The following DLC1 variants were observed in gnomAD, a reference collection of about 807,000 sequenced individuals.
DLC1 encodes the protein DLC1 Rho GTPase activating protein, also known as rho GTPase-activating protein 7.
DLC1 carries 54 observed loss-of-function variants against 140.3 expected under a neutral mutation model. The observed-to-expected ratio is 0.38, with a 90% confidence interval of 0.31 to 0.48. DLC1 has a LOEUF of 0.48. DLC1 is among the 20% of genes least tolerant of loss of function. DLC1 has a pLI of 0.96. For missense variants in DLC1, 2,536 were observed against 1,907.0 expected (o/e 1.33, Z -6.14); for synonymous variants, 986 against 728.1 (o/e 1.35, Z -5.70).
At chr8:13,161,254 G>C (rs545634644) in intron 5 of DLC1, among the ~76,000 whole-genome samples, 2 of 152,288 alleles carry the variant, frequency 1.3e-5, no homozygotes, top group Non-Finnish European at 2.9e-5. Flanking sequence ...TAGTAAGTGC[G>C]ACCACAGTAA....
intron 6 of DLC1, among the ~76,000 whole-genome samples, chr8:13,112,091 C>T (rs1585657438): frequency 1.3e-5 from 2 of 152,230 alleles, no homozygotes; most frequent in East Asian, 3.9e-4. Flanking sequence ...TTTGAGGCTG[C>T]AGTGAACTCT....
chr8:13,086,183 A>T, intron 17 of DLC1, 107 bp downstream of exon 17: 1 of 1,450,072 alleles, frequency 6.9e-7, no homozygotes, highest in Non-Finnish European at 9.3e-7. Context: ...TCATGAAGTC[A>T]CCAAGAAAAA....
intron 2 of DLC1, among the ~76,000 whole-genome samples, chr8:13,487,201 A>G (rs1801007872): frequency 6.6e-6 from 1 of 152,222 alleles, no homozygotes; most frequent in African/African-American, 2.4e-5. Context: ...CTTTTGCAAG[A>G]AGCAAAATAT....
intron 5 of DLC1, among the ~76,000 whole-genome samples, chr8:13,247,847 T>C (rs973750840): frequency 2.0e-5 from 3 of 152,246 alleles, no homozygotes; most frequent in African/African-American, 7.2e-5. Flanking sequence ...ATTTTACTAA[T>C]ATTATAGCTG....
intron 2 of DLC1, among the ~76,000 whole-genome samples, chr8:13,417,548 T>G (rs76639554): frequency 0.029 from 4,397 of 150,790 alleles, 208 homozygotes; most frequent in African/African-American, 0.1. Flanking sequence ...ACTCATCCTT[T>G]TTTATGGCTG....
intron 5 of DLC1, among the ~76,000 whole-genome samples, chr8:13,228,934 A>T (rs994800046): frequency 6.6e-6 from 1 of 152,208 alleles, no homozygotes; most frequent in Non-Finnish European, 1.5e-5. Flanking sequence ...ATGACAGATT[A>T]TAACAAGTGT....
intron 5 of DLC1, among the ~76,000 whole-genome samples, chr8:13,171,679 C>A (rs550507961): frequency 6.6e-6 from 1 of 152,194 alleles, no homozygotes; most frequent in Non-Finnish European, 1.5e-5. Context: ...TGAACCACCA[C>A]GGCCGGCCCA....
chr8:13,344,243 C>T (rs1392284965), intron 4 of DLC1, among the ~76,000 whole-genome samples: 4 of 152,152 alleles, frequency 2.6e-5, no homozygotes, highest in African/African-American at 9.7e-5. Flanking sequence ...CCTGTAATCC[C>T]AGCACTTTGG....
chr8:13,471,978 T>A (rs1800229445), intron 2 of DLC1, among the ~76,000 whole-genome samples: 1 of 152,150 alleles, frequency 6.6e-6, no homozygotes, highest in African/African-American at 2.4e-5. Flanking sequence ...CTAACACCCT[T>A]CAAAAAATTG....
At chr8:13,422,269 T>C (rs574606399) in intron 2 of DLC1, among the ~76,000 whole-genome samples, 36 of 152,152 alleles carry the variant, frequency 2.4e-4, no homozygotes, top group South Asian at 4.1e-4. Flanking sequence ...GACAATACAG[T>C]ATTACTGTTC....
At chr8:13,374,374 G>C (rs1172145169) in intron 4 of DLC1, among the ~76,000 whole-genome samples, 2 of 152,136 alleles carry the variant, frequency 1.3e-5, no homozygotes, top group African/African-American at 4.8e-5. Flanking sequence ...AGCAGTTCAA[G>C]ATCAAGCATT....
At chr8:13,223,858 C>T (rs1182437868) in intron 5 of DLC1, among the ~76,000 whole-genome samples, 1 of 152,102 alleles carries the variant, frequency 6.6e-6, no homozygotes, top group African/African-American at 2.4e-5. Context: ...ATATGTTTCA[C>T]TAAAAGGTGG....
At chr8:13,491,265 A>AT (rs1309854341) in intron 2 of DLC1, among the ~76,000 whole-genome samples, 8 of 151,660 alleles carry the variant, frequency 5.3e-5, no homozygotes, top group Non-Finnish European at 8.8e-5. Context: ...CTCCCCAATC[A>AT]TTTGTCTTTC....
chr8:13,554,696 T>G (rs1471745272), intron 1 of DLC1, among the ~76,000 whole-genome samples: 1 of 152,206 alleles, frequency 6.6e-6, no homozygotes, highest in Non-Finnish European at 1.5e-5. Context: ...CCACCTCTAC[T>G]GCTACCAGTC....
At chr8:13,443,269 G>T (rs542668942) in intron 2 of DLC1, among the ~76,000 whole-genome samples, 1 of 150,900 alleles carries the variant, frequency 6.6e-6, no homozygotes, top group Admixed American at 6.6e-5. Context: ...ATAGTTAATG[G>T]GTGCAGCACA....
At position 13,086,331 on chromosome 8, in the gene DLC1, T is replaced by C. The variant is rs748311455; in HGVS notation, c.4425A>G (p.Pro1475=). ...ACATGTAGGTGAGTTTGGATTTTCC[T>C]GGCCCACAGGGTTCAATCAAATACC... ...LSRYLIEPCG[P]GKSKLTYMCR... The change falls in exon 17 of 18, where the codon CCA becomes CCG. Residue 1475 remains proline (P), a synonymous_variant. Coordinates refer to ENST00000276297, the MANE Select transcript of DLC1 (RefSeq NM_182643.3). The C allele has an allele frequency of 6.2e-7, 1 of 1,614,276 alleles. No homozygotes were observed. The highest frequency in any genetic ancestry group is 8.5e-7 in the Non-Finnish European group (1 of 1,180,052).
At chr8:13,564,201 A>G (rs1186914316) in intron 1 of DLC1, among the ~76,000 whole-genome samples, 1 of 152,224 alleles carries the variant, frequency 6.6e-6, no homozygotes. Context: ...GATGCAGAAA[A>G]CAGAATAGAA....
chr8:13,347,457 C>T (rs1057508036), intron 4 of DLC1, among the ~76,000 whole-genome samples: 2 of 152,120 alleles, frequency 1.3e-5, no homozygotes, highest in Admixed American at 6.6e-5. Flanking sequence ...GTAGTGGTGT[C>T]GGGGATGGGG....
At chr8:13,165,417 A>G (rs1044129447) in intron 5 of DLC1, among the ~76,000 whole-genome samples, 33 of 152,314 alleles carry the variant, frequency 2.2e-4, no homozygotes, top group African/African-American at 7.7e-4. Context: ...TGACACGTGG[A>G]CTGAGCAGCA....
Sources: gnomAD v4.1 joint callset for allele counts (sites outside exome capture counted in the v4.1 genomes callset) on GRCh38, gnomAD v4.1.1 for gene constraint, MANE v1.5 for transcripts, NCBI Gene and HGNC (gene_info 2026-07-23, HGNC 2026-07-21) for gene names.